The following LARGE1 variants were observed in gnomAD, a reference collection of about 807,000 sequenced individuals.
LARGE1 encodes LARGE xylosyl- and glucuronyltransferase 1, also known as xylosyl- and glucuronyltransferase LARGE1.
LARGE1 carries 43 observed loss-of-function variants against 87.6 expected under a neutral mutation model. The ratio of observed to expected loss-of-function variants is 0.49; its 90% CI spans 0.38 to 0.63. LARGE1 has a LOEUF of 0.63. LARGE1 is among the 30% of genes least tolerant of loss of function. LARGE1 has a pLI of 0.00. For missense variants in LARGE1, 802 were observed against 1,000.2 expected, an observed-to-expected ratio of 0.80 and a Z score of 2.67; for synonymous variants, 434 against 394.6, an observed-to-expected ratio of 1.10 and a Z score of -1.18.
At chr22:33,554,605 C>T (rs896159888) in intron 6 of LARGE1, among the ~76,000 whole-genome samples, 4 of 152,132 alleles carry the variant, frequency 2.6e-5, no homozygotes, top group Non-Finnish European at 5.9e-5. Context: ...GCTAACATCC[C>T]GCTACGGGCC....
chr22:33,276,073 A>G (rs1024779150), intron 14 of LARGE1, among the ~76,000 whole-genome samples: 6 of 152,182 alleles, frequency 3.9e-5, no homozygotes, highest in African/African-American at 1.4e-4. Context: ...TATTGGAAGG[A>G]AAGTTCTCCT....
intron 5 of LARGE1, among the ~76,000 whole-genome samples, chr22:33,590,730 C>G (rs968299232): frequency 6.6e-5 from 10 of 152,220 alleles, no homozygotes; most frequent in African/African-American, 2.4e-4. Context: ...CTTCCCACTG[C>G]TGAGACATAC....
chr22:33,917,173 C>T (rs2065811755), intron 1 of LARGE1, among the ~76,000 whole-genome samples: 1 of 152,210 alleles, frequency 6.6e-6, no homozygotes, highest in African/African-American at 2.4e-5. Flanking sequence ...GTGTGACCAA[C>T]ATCTTGGTGA....
chr22:33,397,072 T>C (rs1180591789), intron 7 of LARGE1, among the ~76,000 whole-genome samples: 2 of 152,138 alleles, frequency 1.3e-5, no homozygotes, highest in Non-Finnish European at 2.9e-5. Context: ...GAATCCCCCT[T>C]ACAGTCAAAA....
intron 3 of LARGE1, among the ~76,000 whole-genome samples, chr22:33,638,417 C>CGATT (rs1410472874): frequency 1.3e-5 from 2 of 152,144 alleles, no homozygotes; most frequent in African/African-American, 2.4e-5. Context: ...CACTGAGGAA[C>CGATT]GATTACCTCA....
rs186289334 is a variant in LARGE1 at position 33,819,282 on chromosome 22, C to T, written c.-82-57724G>A. ...TGTGTGAGTACAAAGCTCTTCATTG[C>T]GCTAATATTCTACAAAGTTCATGGC... On this transcript the variant is annotated intron_variant, in intron 1 of 14. Transcript: ENST00000397394. 1.6e-4 allele frequency among the ~76,000 whole-genome samples: 25 copies of T among 152,174 alleles called. No individual in the cohort carries two copies. The South Asian group carries it at 3.7e-3, about 23-fold the overall frequency.
chr22:33,481,758 C>T (rs547506267), intron 6 of LARGE1, among the ~76,000 whole-genome samples: 6 of 152,220 alleles, frequency 3.9e-5, no homozygotes, highest in East Asian at 1.9e-4. Context: ...AAACCTTGCC[C>T]GTTAGAGCAA....
exon 12 of LARGE1, chr22:33,166,696 C>T: frequency 2.1e-6 from 1 of 468,516 alleles, no homozygotes; most frequent in Non-Finnish European, 4.4e-6. Context: ...TTCCAACATG[C>T]TGTAAAATTA....
intron 1 of LARGE1, among the ~76,000 whole-genome samples, chr22:33,836,425 G>T (rs907580496): frequency 2.0e-5 from 3 of 152,226 alleles, no homozygotes; most frequent in African/African-American, 7.2e-5. Flanking sequence ...GTTCCCTCAG[G>T]CCAGCAGGAC....
chr22:33,486,601 C>T (rs1409744768), intron 6 of LARGE1, among the ~76,000 whole-genome samples: 1 of 152,050 alleles, frequency 6.6e-6, no homozygotes, highest in Non-Finnish European at 1.5e-5. Context: ...TTAACTGCAA[C>T]TTCAGAGAGA....
intron 11 of LARGE1, among the ~76,000 whole-genome samples, chr22:33,191,150 T>C (rs1923756017): frequency 6.6e-6 from 1 of 152,238 alleles, no homozygotes; most frequent in South Asian, 2.1e-4. Flanking sequence ...ATTCATAAGA[T>C]GTTTTTTCAA....
chr22:33,339,369 G>A (rs746296080), intron 9 of LARGE1, among the ~76,000 whole-genome samples: 11 of 151,462 alleles, frequency 7.3e-5, no homozygotes, highest in Non-Finnish European at 1.6e-4. Flanking sequence ...GGGTCTTTCC[G>A]CACAAGGGGC....
chr22:33,161,214 C>A (rs931419328), downstream of LARGE1, among the ~76,000 whole-genome samples: 4 of 152,092 alleles, frequency 2.6e-5, no homozygotes, highest in African/African-American at 9.7e-5. Flanking sequence ...GTAACTGCCT[C>A]CATGATTCAA....
At chr22:33,884,903 C>T (rs1157784367) in intron 1 of LARGE1, among the ~76,000 whole-genome samples, 3 of 152,276 alleles carry the variant, frequency 2.0e-5, no homozygotes, top group African/African-American at 7.2e-5. Context: ...ACCCTGAGCC[C>T]ATGATGGCAC....
chr22:33,886,427 C>T (rs1299340681), intron 1 of LARGE1, among the ~76,000 whole-genome samples: 1 of 151,806 alleles, frequency 6.6e-6, no homozygotes, highest in African/African-American at 2.4e-5. Context: ...CCTGTAATCC[C>T]AGCACTTTGG....
At chr22:33,523,224 G>C (rs1488847830) in intron 6 of LARGE1, among the ~76,000 whole-genome samples, 1 of 151,808 alleles carries the variant, frequency 6.6e-6, no homozygotes, top group African/African-American at 2.4e-5. Flanking sequence ...GGCTGGTCTC[G>C]AACTCCTGAC....
At chr22:33,546,834 T>G (rs1569257598) in intron 6 of LARGE1, among the ~76,000 whole-genome samples, 2 of 152,192 alleles carry the variant, frequency 1.3e-5, no homozygotes, top group African/African-American at 2.4e-5. Context: ...TCCGCCCACC[T>G]TGGCCTCCCA....
intron 1 of LARGE1, among the ~76,000 whole-genome samples, chr22:33,909,954 G>C (rs2065579858): frequency 6.6e-6 from 1 of 152,076 alleles, no homozygotes; most frequent in Non-Finnish European, 1.5e-5. Flanking sequence ...CTTCCATTCA[G>C]ATTTTAACTG....
the LARGE1 span, among the ~76,000 whole-genome samples, chr22:33,100,969 C>G: frequency 1.3e-5 from 2 of 152,168 alleles, 1 homozygote; most frequent in South Asian, 4.1e-4. Flanking sequence ...CCTCAGCCTC[C>G]CGAGTAGCTG....
Sources: allele counts gnomAD v4.1 joint callset (sites outside exome capture counted in the v4.1 genomes callset), GRCh38; gene constraint gnomAD v4.1.1; transcripts MANE v1.5; gene names NCBI Gene and HGNC (gene_info 2026-07-23, HGNC 2026-07-21).